Variants in LOXL4 observed in about 807,000 individuals in gnomAD.
The protein encoded by LOXL4 is lysyl oxidase like 4.
LOXL4 carries 72 observed loss-of-function variants against 89.1 expected under a neutral mutation model. The observed-to-expected ratio is 0.81, with a 90% confidence interval of 0.67 to 0.98. The LOEUF is 0.98. Ranked by LOEUF, LOXL4 falls within the 50% of genes least tolerant of loss-of-function variation. LOXL4 has a pLI of 0.00. For missense variants in LOXL4, 984 were observed against 1,017.5 expected (o/e 0.97, Z 0.45); for synonymous variants, 355 against 392.1 (o/e 0.91, Z 1.12).
chr10:98,257,913 A>C (rs562304614), intron 7 of LOXL4, 68 bp downstream of exon 7: 1 of 1,587,690 alleles, frequency 6.3e-7, no homozygotes, highest in Non-Finnish European at 8.6e-7. Flanking sequence ...CTGTCACCCC[A>C]GGGCCTTCAA....
chr10:98,252,816 C>T (rs1858240456), intron 11 of LOXL4, among the ~76,000 whole-genome samples: 1 of 152,212 alleles, frequency 6.6e-6, no homozygotes, highest in South Asian at 2.1e-4. Context: ...AGCTGACCTG[C>T]TGGGAAGAGG....
chr10:98,255,831 A>C, intron 9 of LOXL4, 92 bp from the exon 10 acceptor site: 5 of 1,450,226 alleles, frequency 3.4e-6, no homozygotes, highest in South Asian at 2.6e-5. Flanking sequence ...TACCACCCCC[A>C]CCGGGTTGTG....
chr10:98,257,869 C>T, intron 7 of LOXL4, 65 bp from the exon 8 acceptor site: 3 of 1,581,198 alleles, frequency 1.9e-6, no homozygotes, highest in Non-Finnish European at 2.6e-6. Context: ...TGTGGCTTCC[C>T]CTTCACAGAG....
At chr10:98,252,927 G>T (rs754385300) in intron 11 of LOXL4, among the ~76,000 whole-genome samples, 2 of 152,202 alleles carry the variant, frequency 1.3e-5, no homozygotes, top group Non-Finnish European at 2.9e-5. Flanking sequence ...TATCTCAGGC[G>T]AGACCAAGTC....
chr10:98,249,024 A>G (rs747322081), intron 14 of LOXL4, 33 bp from the exon 15 acceptor site: 4 of 1,564,560 alleles, frequency 2.6e-6, no homozygotes, highest in East Asian at 2.2e-5. Context: ...TAAGTAGCCA[A>G]CCTTTCCAGT....
chr10:98,264,865 G>A (rs1331186132), intron 1 of LOXL4, among the ~76,000 whole-genome samples: 1 of 152,190 alleles, frequency 6.6e-6, no homozygotes, highest in Non-Finnish European at 1.5e-5. Context: ...CCACGGCCAT[G>A]GCTCCTCTTG....
chr10:98,268,042 G>C (rs1269561827), intron 1 of LOXL4, 90 bp downstream of exon 1: 1 of 152,518 alleles, frequency 6.6e-6, no homozygotes, highest in Non-Finnish European at 1.5e-5. Context: ...GGAACCCTCA[G>C]AGGCCTGCAG....
In LOXL4 at chr10:98,262,183, A is replaced by C; in HGVS notation, c.308T>G (p.Val103Gly). Reference protein sequence around the residue: ...GPIWLDNVRCVGTESSLDQCG... With the variant: ...GPIWLDNVRCGGTESSLDQCG... ...CTGGTCCAAGGAGCTCTCTGTGCCCACACAGCGCACATTGTCCAGCCAGAT... is the reference window on the plus strand; with the variant it reads ...CTGGTCCAAGGAGCTCTCTGTGCCCCCACAGCGCACATTGTCCAGCCAGAT... The change falls in exon 3 of 15, where the codon GTG becomes GGG. Residue 103 changes from valine (V) to glycine (G), a missense_variant. By Grantham distance (109) the Val-to-Gly change is moderately radical. Coordinates refer to ENST00000260702, the MANE Select transcript of LOXL4 (RefSeq NM_032211.7). The C allele has an allele frequency of 6.2e-7, 1 of 1,613,738 alleles. No individual in the cohort carries two copies. The highest frequency in any genetic ancestry group is 1.3e-5 in the African/African-American group (1 of 75,054).
chr10:98,257,022 T>G, intron 8 of LOXL4, 75 bp from the exon 9 acceptor site: 1 of 1,517,614 alleles, frequency 6.6e-7, no homozygotes, highest in Non-Finnish European at 8.9e-7. Flanking sequence ...CCTGGAGGTC[T>G]GCCCAAGCCA....
intron 1 of LOXL4, among the ~76,000 whole-genome samples, chr10:98,264,234 C>T (rs1858627058): frequency 6.6e-6 from 1 of 150,476 alleles, no homozygotes; most frequent in African/African-American, 2.5e-5. Context: ...CTTCATGAAG[C>T]TCAAGCAAGA....
chr10:98,261,249 G>T, intron 3 of LOXL4, 122 bp from the exon 4 acceptor site: 2 of 1,011,800 alleles, frequency 2.0e-6, no homozygotes, highest in Non-Finnish European at 2.9e-6. Flanking sequence ...ACCCAGCCCG[G>T]TCATTGAACA....
In LOXL4 at chr10:98,259,068, C is replaced by T. The variant is rs1265543315; in HGVS notation, c.862G>A (p.Ala288Thr). The T allele has an allele frequency of 6.3e-7, 1 of 1,581,684 alleles. No individual in the cohort carries two copies. Among genetic ancestry groups the T allele is most frequent in the Non-Finnish European group, 8.6e-7 (1 of 1,162,986 alleles). ...TTCGGTGGGCGGAAGTGAGGCCCTGCCACACAGCTGACCACAGCGTGCATG... is the reference window on the plus strand; with the variant it reads ...TTCGGTGGGCGGAAGTGAGGCCCTGTCACACAGCTGACCACAGCGTGCATG... ...GGMHAVVSCV[A>T]GPHFRPPKTK... Residue 288 changes from alanine (A) to threonine (T), a missense_variant, in exon 6 of 15, where the codon GCA becomes ACA. By Grantham distance (58) the Ala-to-Thr change is moderately conservative. Transcript: ENST00000260702.
At chr10:98,258,921 T>C in intron 6 of LOXL4, 88 bp downstream of exon 6, 2 of 1,010,888 alleles carry the variant, frequency 2.0e-6, no homozygotes, top group East Asian at 5.3e-5. Context: ...CTCTCCTGCG[T>C]GTCCTGGACC....
Position 98,255,644 on chromosome 10 carries a change from C to G in LOXL4, c.1524G>C (p.Gln508His). 6.2e-7 allele frequency: 1 copy of G among 1,613,626 alleles called. No individual in the cohort carries two copies. The highest frequency in any genetic ancestry group is 1.7e-4 in the Middle Eastern group (1 of 6,058). ...GGGAGCAGTGCACCGGCCCGTGCCTCTGGCACTGCTGCAGGGCCAGCTCTG... is the reference window on the plus strand; with the variant it reads ...GGGAGCAGTGCACCGGCCCGTGCCTGTGGCACTGCTGCAGGGCCAGCTCTG... ...SGTELALQQC[Q>H]RHGPVHCSHG... The change falls in exon 10 of 15, where the codon CAG becomes CAC. Residue 508 changes from glutamine to histidine, a missense_variant. Coordinates refer to ENST00000260702, the MANE Select transcript of LOXL4 (RefSeq NM_032211.7).
intron 14 of LOXL4, among the ~76,000 whole-genome samples, chr10:98,250,286 CTG>C (rs1365874753): frequency 6.6e-6 from 1 of 152,204 alleles, no homozygotes; most frequent in East Asian, 1.9e-4. Context: ...TGCTTTCTGT[CTG>C]TGCTTGCTCA....
Position 98,255,629 on chromosome 10 carries a change from C to T in LOXL4, c.1539G>A (p.Val513=), listed in dbSNP as rs1474919949. 2 of 1,613,420 alleles carry T rather than the reference C, an allele frequency of 1.2e-6. No homozygotes were observed. The highest frequency in any genetic ancestry group is 1.7e-5 in the Admixed American group (1 of 60,016). ...AGCGCCCGCCACCGTGGGAGCAGTGCACCGGCCCGTGCCTCTGGCACTGCT... is the reference window on the plus strand; with the variant it reads ...AGCGCCCGCCACCGTGGGAGCAGTGTACCGGCCCGTGCCTCTGGCACTGCT... ...ALQQCQRHGP[V]HCSHGGGRFL... Residue 513 remains valine, a synonymous_variant, in exon 10 of 15, where the codon GTG becomes GTA. Coordinates refer to ENST00000260702, the MANE Select transcript of LOXL4 (RefSeq NM_032211.7).
At chr10:98,253,909 C>T in intron 10 of LOXL4, 113 bp from the exon 11 acceptor site, 1 of 1,345,708 alleles carries the variant, frequency 7.4e-7, no homozygotes, top group Non-Finnish European at 1.0e-6. Context: ...GAGGACCCCA[C>T]AAAAGAAGGG....
At chr10:98,257,379 TGGCCCTCTTTCCCA>T (rs928914751) in intron 8 of LOXL4, among the ~76,000 whole-genome samples, 1 of 152,170 alleles carries the variant, frequency 6.6e-6, no homozygotes, top group African/African-American at 2.4e-5. Flanking sequence ...GACAGCCCTG[TGGCCCTCTTTCCCA>T]GGCACCTTCT....
Position 98,253,669 on chromosome 10 carries a change from G to C in LOXL4, c.1719C>G (p.Asp573Glu). The C allele has an allele frequency of 6.2e-7, 1 of 1,614,276 alleles. No homozygotes were observed. Among genetic ancestry groups the C allele is most frequent in the Non-Finnish European group, 8.5e-7 (1 of 1,180,052 alleles). The change falls in exon 11 of 15, where the codon GAC becomes GAG. Residue 573 changes from aspartate (D) to glutamate (E), a missense_variant. By Grantham distance (45) the Asp-to-Glu change is conservative (BLOSUM62 2). Transcript: ENST00000260702. ...ATAGGCGGCGGTATCCGTAGGGCCA[G>C]TCCATGTGATCCGCAGACTTGGAGA... ...NCLSKSADHM[D>E]WPYGYRRLLR...
Sources: allele counts gnomAD v4.1 joint callset (sites outside exome capture counted in the v4.1 genomes callset), GRCh38; gene constraint gnomAD v4.1.1; transcripts MANE v1.5; gene names NCBI Gene and HGNC (gene_info 2026-07-23, HGNC 2026-07-21).